The following ZNF521 variants were observed in gnomAD, a reference collection of about 807,000 sequenced individuals.
ZNF521 encodes zinc finger protein 521.
In ZNF521, 14 loss-of-function variants were observed where a neutral mutation model predicts 105.5. The observed-to-expected ratio is 0.13, with a 90% CI of 0.09 to 0.21. ZNF521 has a LOEUF of 0.21. ZNF521 is among the 10% of genes least tolerant of loss of function. The pLI, the probability that ZNF521 is intolerant of heterozygous loss-of-function variation, is 1.00. For missense variants in ZNF521, 1,233 were observed against 1,629.7 expected (o/e 0.76, Z 4.19); for synonymous variants, 635 against 606.0 (o/e 1.05, Z -0.70).
intron 2 of ZNF521, among the ~76,000 whole-genome samples, chr18:25,337,746 T>C (rs1816555622): frequency 6.6e-6 from 1 of 152,200 alleles, no homozygotes; most frequent in South Asian, 2.1e-4. Flanking sequence ...TAACCAGCAA[T>C]TCCATTTTTA....
intron 5 of ZNF521, among the ~76,000 whole-genome samples, chr18:25,124,154 C>T (rs1022576175): frequency 2.6e-5 from 4 of 151,904 alleles, no homozygotes; most frequent in East Asian, 1.9e-4. Context: ...ACTGCAAGAG[C>T]GAGGAGAGCA....
intron 5 of ZNF521, among the ~76,000 whole-genome samples, chr18:25,116,984 T>TAC (rs1260333877): frequency 2.6e-5 from 3 of 116,212 alleles, no homozygotes; most frequent in South Asian, 3.0e-4. Flanking sequence ...TATATATATA[T>TAC]ACACACACAC....
intron 2 of ZNF521, among the ~76,000 whole-genome samples, chr18:25,337,778 A>C (rs1913972380): frequency 6.6e-6 from 1 of 152,182 alleles, no homozygotes; most frequent in South Asian, 2.1e-4. Flanking sequence ...CATGTATATA[A>C]AATCATACAT....
intron 5 of ZNF521, among the ~76,000 whole-genome samples, chr18:25,163,629 G>A (rs2035287622): frequency 6.6e-6 from 1 of 152,160 alleles, no homozygotes; most frequent in South Asian, 2.1e-4. Context: ...GTAACACCAT[G>A]TACACAGTGC....
intron 3 of ZNF521, among the ~76,000 whole-genome samples, chr18:25,283,439 G>A (rs930082852): frequency 9.2e-5 from 14 of 152,108 alleles, no homozygotes; most frequent in African/African-American, 2.9e-4. Flanking sequence ...AGCTGAGGTC[G>A]GTCTCCAATT....
intron 4 of ZNF521, among the ~76,000 whole-genome samples, chr18:25,209,504 T>G (rs12456914): frequency 0.2 from 29,884 of 152,142 alleles, 3,069 homozygotes; most frequent in South Asian, 0.27. Context: ...CCCCCCAGTA[T>G]GTAAATACTG....
At chr18:25,064,923 T>C (rs1203180668) in intron 7 of ZNF521, among the ~76,000 whole-genome samples, 1 of 152,216 alleles carries the variant, frequency 6.6e-6, no homozygotes, top group Non-Finnish European at 1.5e-5. Context: ...AAATAGCAAA[T>C]TGTTTTTATG....
intron 4 of ZNF521, among the ~76,000 whole-genome samples, chr18:25,214,785 A>T (rs2036251946): frequency 6.6e-6 from 1 of 152,174 alleles, no homozygotes; most frequent in Non-Finnish European, 1.5e-5. Flanking sequence ...GAAGCACGTG[A>T]AGGAGACCAG....
intron 7 of ZNF521, among the ~76,000 whole-genome samples, chr18:25,072,131 C>T (rs376059502): frequency 1.3e-5 from 2 of 152,274 alleles, no homozygotes; most frequent in Admixed American, 6.5e-5. Flanking sequence ...CAATATCAAA[C>T]GAGCTGGAAA....
chr18:25,257,558 C>T (rs1232097393), intron 3 of ZNF521, among the ~76,000 whole-genome samples: 1 of 152,162 alleles, frequency 6.6e-6, no homozygotes, highest in East Asian at 1.9e-4. Flanking sequence ...GGGTGAACTG[C>T]CTGAGAGTCA....
intron 5 of ZNF521, among the ~76,000 whole-genome samples, chr18:25,155,616 C>T (rs985046619): frequency 1.3e-5 from 2 of 152,078 alleles, no homozygotes; most frequent in African/African-American, 4.8e-5. Flanking sequence ...GATAAGGGCC[C>T]AATTTCATTC....
At chr18:25,322,219 T>G in intron 2 of ZNF521, 32 bp from the exon 3 acceptor site, 1 of 1,603,222 alleles carries the variant, frequency 6.2e-7, no homozygotes, top group Non-Finnish European at 8.5e-7. Flanking sequence ...AGTATGGGGT[T>G]TAAAGACAGG....
At chr18:25,134,918 G>A (rs1330890542) in intron 5 of ZNF521, among the ~76,000 whole-genome samples, 1 of 152,084 alleles carries the variant, frequency 6.6e-6, no homozygotes, top group Non-Finnish European at 1.5e-5. Flanking sequence ...ATCAAACACA[G>A]AATGTACGGC....
chr18:25,164,640 G>C (rs45583642), intron 5 of ZNF521, among the ~76,000 whole-genome samples: 1 of 152,130 alleles, frequency 6.6e-6, no homozygotes, highest in Non-Finnish European at 1.5e-5. Context: ...AAGTTGTCAC[G>C]GTTGGCTTCT....
intron 5 of ZNF521, among the ~76,000 whole-genome samples, chr18:25,098,207 C>T (rs990390151): frequency 6.6e-5 from 10 of 152,148 alleles, no homozygotes; most frequent in Non-Finnish European, 1.5e-4. Context: ...AAACAGCCCA[C>T]CAAAAAGGTG....
chr18:25,295,387 C>T (rs144760300), intron 3 of ZNF521, among the ~76,000 whole-genome samples: 11 of 152,150 alleles, frequency 7.2e-5, no homozygotes, highest in East Asian at 1.9e-4. Context: ...GAATGCTTTA[C>T]GACCTAGTAT....
rs9957476 is a variant in ZNF521 at position 25,234,615 on chromosome 18, C to A, written c.221-6918G>T. Among the ~76,000 whole-genome samples, 241 of 152,120 alleles carry A rather than the reference C, an allele frequency of 1.6e-3. 1 individual carries two copies. The highest frequency in any genetic ancestry group is 5.6e-3 in the African/African-American group (233 of 41,488). ...AGGTATTATAAGACTCAAACATGAC[C>A]TTATATGAAGGAGTTTTCTGTACTG... On this transcript the variant is annotated intron_variant, in intron 3 of 7. Transcript: ENST00000361524.
chr18:25,090,123 G>T (rs1468701819), intron 6 of ZNF521, among the ~76,000 whole-genome samples: 6 of 152,108 alleles, frequency 3.9e-5, no homozygotes, highest in Admixed American at 3.9e-4. Flanking sequence ...CTGAATGCAA[G>T]GGTTTCAATA....
At position 25,224,328 on chromosome 18, in the gene ZNF521, TA is replaced by T. The variant is rs769731687; in HGVS notation, c.3573+16del. On this transcript the variant is annotated intron_variant, in intron 4 of 7. Coordinates refer to ENST00000361524, the MANE Select transcript of ZNF521 (RefSeq NM_015461.3). ...CTTGAGGAGGTTAAATAGCAAACATTAAAAAAGGCGAGTTACCTCATCCGAC... is the reference window on the plus strand; with the variant it reads ...CTTGAGGAGGTTAAATAGCAAACATTAAAAAGGCGAGTTACCTCATCCGAC... The T allele has an allele frequency of 1.3e-6, 2 of 1,593,602 alleles. No homozygotes were observed. The highest frequency in any genetic ancestry group is 8.6e-7 in the Non-Finnish European group (1 of 1,166,510).
Sources: gnomAD v4.1 joint callset for allele counts (sites outside exome capture counted in the v4.1 genomes callset) on GRCh38, gnomAD v4.1.1 for gene constraint, MANE v1.5 for transcripts, NCBI Gene and HGNC (gene_info 2026-07-23, HGNC 2026-07-21) for gene names.